Variants in SLC8A2 observed in about 807,000 individuals in gnomAD.
SLC8A2 encodes sodium/calcium exchanger 2.
A neutral mutation model predicts 70.2 loss-of-function variants in SLC8A2; 14 were observed. The observed-to-expected ratio is 0.20, with a 90% CI of 0.13 to 0.31. SLC8A2 has a LOEUF of 0.31. Ranked by LOEUF, SLC8A2 falls within the 10% of genes least tolerant of loss-of-function variation. The probability of loss-of-function intolerance (pLI) is 1.00; values close to 1 mark genes in which losing one functional copy is unlikely to be tolerated. For synonymous variants in SLC8A2, 575 were observed against 594.3 expected, an observed-to-expected ratio of 0.97 and a Z score of 0.47; for missense variants, 779 against 1,320.1, an observed-to-expected ratio of 0.59 and a Z score of 6.35.
chr19:47,457,389 T>A lies in SLC8A2; in HGVS notation c.881A>T (p.Glu294Val). The A allele has an allele frequency of 1.3e-6, 2 of 1,557,170 alleles. No homozygotes were observed. Among genetic ancestry groups the A allele is most frequent in the Non-Finnish European group, 1.7e-6 (2 of 1,153,112 alleles). ...GTFVGAEAPG[E>V]LGGLGPGPAE... Reference sequence around the variant, plus strand: ...GGGGCCCGGGCCCAGGCCGCCCAGCTCACCTGGGGCCTCGGCGCCCACGAA... The same window carrying A: ...GGGGCCCGGGCCCAGGCCGCCCAGCACACCTGGGGCCTCGGCGCCCACGAA... Residue 294 changes from glutamate to valine, a missense_variant, in exon 3 of 10, where the codon GAG (glutamate) becomes GTG (valine). By Grantham distance (121) the Glu-to-Val change is moderately radical (BLOSUM62 -2). Transcript: ENST00000236877.
chr19:47,434,888 A>G (rs997318353), intron 8 of SLC8A2, among the ~76,000 whole-genome samples: 3 of 152,142 alleles, frequency 2.0e-5, no homozygotes, highest in African/African-American at 7.2e-5. Flanking sequence ...CAGGAAATAA[A>G]TTTCCAACCA....
At chr19:47,457,805 C>CCTTCCTTT (rs755799560) in intron 2 of SLC8A2, among the ~76,000 whole-genome samples, 74 of 143,944 alleles carry the variant, frequency 5.1e-4, no homozygotes, top group Non-Finnish European at 1.0e-3. Flanking sequence ...TCTCTTCCTT[C>CCTTCCTTT]CTTTCTTCCT....
At chr19:47,454,732 A>G (rs1451271966) in intron 3 of SLC8A2, among the ~76,000 whole-genome samples, 1 of 152,154 alleles carries the variant, frequency 6.6e-6, no homozygotes, top group African/African-American at 2.4e-5. Flanking sequence ...GAGGGCAGAG[A>G]GGGAAGAAGA....
chr19:47,469,112 CTGTGTGCGTGTGTGTGTGTGTG>C (rs1259709005), intron 1 of SLC8A2, among the ~76,000 whole-genome samples: 1 of 128,622 alleles, frequency 7.8e-6, no homozygotes, highest in African/African-American at 2.8e-5. Flanking sequence ...AGGAGCATGC[CTGTGTGCGTGTGTGTGTGTGTG>C]TGTGTGTGTG....
In SLC8A2 at chr19:47,429,978, C is replaced by T. The variant is rs566849309; in HGVS notation, c.*111G>A. 1.3e-4 allele frequency: 143 copies of T among 1,143,730 alleles called. No individual in the cohort carries two copies. In the African/African-American group the frequency reaches 1.9e-3, roughly 15 times the overall value. 70.8% of individuals were successfully genotyped at this position (1,143,730 alleles called of 1,614,324 possible). Reference sequence around the variant, plus strand: ...AGGGGGCGGAGAAGGGAGGCCGAGTCCCAGGAGAGGAGGCCGAGTCTGGGG... The same window carrying T: ...AGGGGGCGGAGAAGGGAGGCCGAGTTCCAGGAGAGGAGGCCGAGTCTGGGG... On this transcript the variant is annotated 3_prime_UTR_variant, in exon 10 of 10. Coordinates refer to ENST00000236877, the MANE Select transcript of SLC8A2 (RefSeq NM_015063.3).
At chr19:47,462,667 A>G (rs1263658552) in intron 2 of SLC8A2, among the ~76,000 whole-genome samples, 1 of 148,126 alleles carries the variant, frequency 6.8e-6, no homozygotes, top group Non-Finnish European at 1.5e-5. Flanking sequence ...AGCTCACTGC[A>G]AACTTCACCT....
At position 47,437,917 on chromosome 19, in the gene SLC8A2, T is replaced by G; in HGVS notation, c.1942A>C (p.Met648Leu). 6.2e-7 allele frequency: 1 copy of G among 1,614,068 alleles called. No individual in the cohort carries two copies. Among genetic ancestry groups the G allele is most frequent in the Non-Finnish European group, 8.5e-7 (1 of 1,179,986 alleles). ...TTCTCCCCAAGAACTGGCTTGCCCA[T>G]CTCTGCTATCCTCCGAGCCTCCTCC... ...EEEEARRIAE[M>L]GKPVLGENCR... is the part of the protein sequence containing the mutation. Residue 648 changes from methionine to leucine, a missense_variant, in exon 7 of 10, where the codon ATG (methionine) becomes CTG (leucine). By Grantham distance (15) the Met-to-Leu change is conservative. Coordinates refer to ENST00000236877, the MANE Select transcript of SLC8A2 (RefSeq NM_015063.3).
Position 47,447,699 on chromosome 19 carries a change from G to C in SLC8A2, c.1763+110C>G. ...CCCTCCCCTCCCGAGGCCCAACCAAGACCCGCCCACTATGTGGGCATGGCT... is the reference window on the plus strand; with the variant it reads ...CCCTCCCCTCCCGAGGCCCAACCAACACCCGCCCACTATGTGGGCATGGCT... On this transcript the variant is annotated intron_variant, in intron 4 of 9. Coordinates refer to ENST00000236877, the MANE Select transcript of SLC8A2 (RefSeq NM_015063.3). The surrounding 1 kb of genome is among the most constrained non-coding windows in gnomAD (Gnocchi z 5.1). The C allele has an allele frequency of 8.3e-7, 1 of 1,199,690 alleles. No homozygotes were observed. Among genetic ancestry groups the C allele is most frequent in the Non-Finnish European group, 1.1e-6 (1 of 904,278 alleles). 74.3% of individuals were successfully genotyped at this position (1,199,690 alleles called of 1,614,324 possible).
chr19:47,459,568 ATGTG>A (rs374384842), intron 2 of SLC8A2, among the ~76,000 whole-genome samples: 1 of 148,882 alleles, frequency 6.7e-6, no homozygotes, highest in African/African-American at 2.5e-5. Context: ...GCATGTGTAT[ATGTG>A]TATGTGCGTG....
chr19:47,457,261 T>C lies in SLC8A2; in HGVS notation c.1009A>G (p.Ile337Val), dbSNP rs1461633109. The change falls in exon 3 of 10, where the codon ATC (isoleucine) becomes GTC (valine). Residue 337 changes from isoleucine (I) to valine (V), a missense_variant. Physicochemically the swap from Ile to Val is conservative, Grantham distance 29. Coordinates refer to ENST00000236877, the MANE Select transcript of SLC8A2 (RefSeq NM_015063.3). ...TGCAGCAGCGCGTAGTAGTTGGCGA[T>C]GCCCACCAGCTGCTCCAGATCCTTG... ...PDKDLEQLVG[I>V]ANYYALLHQQ... The C allele has an allele frequency of 1.0e-5, 16 of 1,547,086 alleles. No homozygotes were observed. Among genetic ancestry groups the C allele is most frequent in the Non-Finnish European group, 1.3e-5 (15 of 1,145,716 alleles).
chr19:47,436,895 C>A (rs1416712832), intron 8 of SLC8A2, among the ~76,000 whole-genome samples: 5 of 152,224 alleles, frequency 3.3e-5, no homozygotes, highest in Non-Finnish European at 7.4e-5. Flanking sequence ...TGACTGTCTC[C>A]AGGGCAACGG....
Position 47,447,811 on chromosome 19 carries a change from G to A in SLC8A2, c.1761C>T (p.Thr587=). 1.3e-6 allele frequency: 2 copies of A among 1,587,134 alleles called. No individual in the cohort carries two copies. The highest frequency in any genetic ancestry group is 1.7e-6 in the Non-Finnish European group (2 of 1,174,792). ...CGELEFGDDE[T]MKTLQVKIVD... ...CGGGCCGCCTCGGGCGTGCTCACAT[G>A]GTCTCGTCGTCGCCAAACTCCAGCT... is the stretch of plus-strand genomic sequence containing the variant. Residue 587 remains threonine, a splice_region_variant and synonymous_variant, in exon 4 of 10, where the codon ACC becomes ACT. Coordinates refer to ENST00000236877, the MANE Select transcript of SLC8A2 (RefSeq NM_015063.3). The surrounding 1 kb of genome is among the most constrained non-coding windows in gnomAD (Gnocchi z 5.1).
intron 8 of SLC8A2, among the ~76,000 whole-genome samples, chr19:47,434,915 C>T (rs1390437380): frequency 6.6e-6 from 1 of 152,124 alleles, no homozygotes; most frequent in Non-Finnish European, 1.5e-5. Context: ...GCACTCAAGA[C>T]ACGATAGGGT....
chr19:47,434,660 G>A (rs1300653124), intron 8 of SLC8A2, among the ~76,000 whole-genome samples: 6 of 152,172 alleles, frequency 3.9e-5, no homozygotes, highest in African/African-American at 1.2e-4. Context: ...CCCACAAGGA[G>A]CTTACAGTAG....
rs2028828 is a variant in SLC8A2 at position 47,462,793 on chromosome 19, G to A, written c.675+2936C>T. 3.8e-4 allele frequency among the ~76,000 whole-genome samples: 57 copies of A among 151,816 alleles called. No individual in the cohort carries two copies. In the East Asian group the frequency reaches 6.6e-3, roughly 18 times the overall value. ...AGTAGAGACAGAGTTTCACCATGTC[G>A]GTCAGGCTGGTTTCGAACTCATGAC... On this transcript the variant is annotated intron_variant, in intron 2 of 9. Transcript: ENST00000236877.
chr19:47,439,668 TTTC>T (rs1467547492), intron 6 of SLC8A2, among the ~76,000 whole-genome samples: 1 of 142,678 alleles, frequency 7.0e-6, no homozygotes, highest in African/African-American at 2.8e-5. Context: ...TCTCTCTCTC[TTTC>T]TTACTTTTCT....
Position 47,432,440 on chromosome 19 carries a change from C to T in SLC8A2, c.2116G>A (p.Glu706Lys), listed in dbSNP as rs1434762596. Reference protein sequence around the residue: ...LEAITVSAGDEEEEEDGSREE... With the variant: ...LEAITVSAGDKEEEEDGSREE... ...CGGGACCCGTCCTCCTCCTCCTCCTCGTCCCCTGTGGGCACACGACCCAGC... is the reference window on the plus strand; with the variant it reads ...CGGGACCCGTCCTCCTCCTCCTCCTTGTCCCCTGTGGGCACACGACCCAGC... The change falls in exon 9 of 10, where the codon GAG becomes AAG. Residue 706 changes from glutamate to lysine, a missense_variant. By Grantham distance (56) the Glu-to-Lys change is moderately conservative. This residue lies in a region of SLC8A2 where 247 missense variants were observed against 362.8 expected (regional missense o/e 0.68). Transcript: ENST00000236877. The surrounding 1 kb of genome is among the most constrained non-coding windows in gnomAD (Gnocchi z 6.2). 6.3e-7 allele frequency: 1 copy of T among 1,593,210 alleles called. No individual in the cohort carries two copies. The highest frequency in any genetic ancestry group is 8.6e-7 in the Non-Finnish European group (1 of 1,169,500).
chr19:47,447,948 C>G lies in SLC8A2; in HGVS notation c.1624G>C (p.Asp542His), dbSNP rs1227269979. Residue 542 changes from aspartate (D) to histidine (H), a missense_variant, in exon 4 of 10, where the codon GAC (aspartate) becomes CAC (histidine). Coordinates refer to ENST00000236877, the MANE Select transcript of SLC8A2 (RefSeq NM_015063.3). The surrounding 1 kb of genome is among the most constrained non-coding windows in gnomAD (Gnocchi z 5.1). ...LHVSECMGTV[D>H]VRVVRSSGAR... is the part of the protein sequence containing the mutation. ...CCCGAGCTGCGCACGACGCGCACGT[C>G]CACGGTGCCCATGCACTCGCTCACG... 1 of 1,561,880 alleles carries G rather than the reference C, an allele frequency of 6.4e-7. No individual in the cohort carries two copies. The highest frequency in any genetic ancestry group is 2.4e-5 in the East Asian group (1 of 41,540).
chr19:47,456,697 G>A (rs1449038632), intron 3 of SLC8A2, among the ~76,000 whole-genome samples: 1 of 152,208 alleles, frequency 6.6e-6, no homozygotes, highest in Non-Finnish European at 1.5e-5. Context: ...AGATAATGAA[G>A]GCGGGAGGTG....
Sources: allele counts gnomAD v4.1 joint callset (sites outside exome capture counted in the v4.1 genomes callset), GRCh38; gene constraint gnomAD v4.1.1; regional missense constraint gnomAD v4.1.1; non-coding constraint Gnocchi (gnomAD v3.1); transcripts MANE v1.5; gene names NCBI Gene and HGNC (gene_info 2026-07-23, HGNC 2026-07-21).